The following DTX4 variants were observed in gnomAD, a reference collection of about 807,000 sequenced individuals.
DTX4 encodes E3 ubiquitin-protein ligase DTX4.
In DTX4, 28 loss-of-function variants were observed where a neutral mutation model predicts 57.6. The observed-to-expected ratio is 0.49, with a 90% CI of 0.36 to 0.67. The LOEUF (loss-of-function observed/expected upper bound fraction) is 0.67, where lower values mean the gene tolerates loss of function less well. Ranked by LOEUF, DTX4 falls within the 30% of genes least tolerant of loss-of-function variation. The pLI is 0.00. For missense variants in DTX4, 715 were observed against 836.8 expected, an observed-to-expected ratio of 0.85 and a Z score of 1.80; for synonymous variants, 316 against 331.0, an observed-to-expected ratio of 0.95 and a Z score of 0.49.
chr11:59,201,043 T>G (rs1363214683), intron 8 of DTX4, among the ~76,000 whole-genome samples: 1 of 152,228 alleles, frequency 6.6e-6, no homozygotes. Context: ...CTCACAATTC[T>G]GGAACCTGAG....
At chr11:59,184,813 C>G (rs1029566008) in intron 2 of DTX4, among the ~76,000 whole-genome samples, 3 of 152,166 alleles carry the variant, frequency 2.0e-5, no homozygotes, top group Non-Finnish European at 4.4e-5. Context: ...GAGGGAGGCC[C>G]CTGCCTACTC....
At chr11:59,182,948 T>A (rs1395501876) in intron 2 of DTX4, among the ~76,000 whole-genome samples, 2 of 152,214 alleles carry the variant, frequency 1.3e-5, no homozygotes, top group East Asian at 3.8e-4. Context: ...TTGTGCCTAC[T>A]AAGCAATAAT....
intron 7 of DTX4, among the ~76,000 whole-genome samples, chr11:59,197,121 G>C (rs908740555): frequency 6.6e-6 from 1 of 152,150 alleles, no homozygotes; most frequent in Non-Finnish European, 1.5e-5. Context: ...GGGAAATAAC[G>C]TTTGCCTATG....
rs528633006 is a variant in DTX4, at chr11:59,203,073, G to T, written c.1627-1603G>T. On this transcript the variant is annotated intron_variant, in intron 8 of 8. Coordinates refer to ENST00000227451, the MANE Select transcript of DTX4 (RefSeq NM_015177.2). Reference sequence around the variant, plus strand: ...CTGTATAAGGCACTTACCACGAATGGTACTTGCAGGACTGGAAGTAGTTTT... The same window carrying T: ...CTGTATAAGGCACTTACCACGAATGTTACTTGCAGGACTGGAAGTAGTTTT... Among the ~76,000 whole-genome samples, 4 of 152,316 alleles carry T rather than the reference G, an allele frequency of 2.6e-5. No homozygotes were observed. In the South Asian group the frequency reaches 8.3e-4, roughly 32 times the overall value.
chr11:59,191,359 C>G (rs536418396), intron 5 of DTX4, among the ~76,000 whole-genome samples, 184 bp downstream of exon 5: 2 of 152,204 alleles, frequency 1.3e-5, no homozygotes, highest in African/African-American at 4.8e-5. Flanking sequence ...GCACCTCAAT[C>G]TCTCCCGCCT....
chr11:59,172,338 A>G lies in DTX4; in HGVS notation c.-258A>G, dbSNP rs3110104. On this transcript the variant is annotated 5_prime_UTR_variant, in exon 1 of 9. Coordinates refer to ENST00000227451, the MANE Select transcript of DTX4 (RefSeq NM_015177.2). ...TTTGCATGAAGCGACTCGACCCCAC[A>G]GAGCAGCGGCAGCAGCAGCGGACCC... is the stretch of plus-strand genomic sequence containing the variant. Among the ~76,000 whole-genome samples the G allele has an allele frequency of 0.73, 110,915 of 151,546 alleles. 41,638 individuals carry two copies. The highest frequency in any genetic ancestry group is 0.9 in the African/African-American group (37,363 of 41,438).
At chr11:59,202,376 CT>C (rs1309296870) in intron 8 of DTX4, among the ~76,000 whole-genome samples, 2 of 152,168 alleles carry the variant, frequency 1.3e-5, no homozygotes, top group Admixed American at 6.5e-5. Flanking sequence ...GTTTCCTAAT[CT>C]GTAAAATAGT....
Position 59,195,348 on chromosome 11 carries a change from C to T in DTX4, c.1515C>T (p.Tyr505=), listed in dbSNP as rs1275381341. Reference sequence around the variant, plus strand: ...ACTGCAAAACCATCCGGATCATCTACAGCATCCCCCCCGGCATTCAGGTGA... The same window carrying T: ...ACTGCAAAACCATCCGGATCATCTATAGCATCCCCCCCGGCATTCAGGTGA... ...HPDCKTIRII[Y]SIPPGIQGPE... Residue 505 remains tyrosine (Y), a synonymous_variant, in exon 7 of 9, where the codon TAC becomes TAT. Transcript: ENST00000227451. 5 of 1,608,992 alleles carry T rather than the reference C, an allele frequency of 3.1e-6. No homozygotes were observed. The African/African-American group carries it at 6.7e-5, about 22-fold the overall frequency.
At chr11:59,174,859 C>T (rs1156533893) in intron 1 of DTX4, among the ~76,000 whole-genome samples, 2 of 152,166 alleles carry the variant, frequency 1.3e-5, no homozygotes, top group South Asian at 2.1e-4. Context: ...AAGGCTGCCT[C>T]AGGGTGTGTT....
intron 1 of DTX4, among the ~76,000 whole-genome samples, chr11:59,181,118 G>A (rs1325795223): frequency 3.3e-5 from 5 of 152,074 alleles, no homozygotes; most frequent in Non-Finnish European, 7.4e-5. Flanking sequence ...TGCAGGCAGA[G>A]TCTTCCCTCA....
intron 1 of DTX4, among the ~76,000 whole-genome samples, chr11:59,174,094 G>A (rs2135509460): frequency 1.3e-5 from 2 of 152,244 alleles, no homozygotes; most frequent in Admixed American, 1.3e-4. Flanking sequence ...CATGGGAAAG[G>A]GGTATCTTTC....
intron 8 of DTX4, among the ~76,000 whole-genome samples, chr11:59,203,022 C>G (rs1218465278): frequency 6.6e-6 from 1 of 152,102 alleles, no homozygotes; most frequent in Non-Finnish European, 1.5e-5. Context: ...AGTAAAAATA[C>G]AGTATAAAAG....
intron 8 of DTX4, 132 bp downstream of exon 8, chr11:59,199,905 T>G (rs1298665928): frequency 4.1e-6 from 3 of 736,168 alleles, no homozygotes; most frequent in Non-Finnish European, 4.4e-6. Flanking sequence ...TAAGTCTAGA[T>G]GCACACAGTA....
intron 7 of DTX4, among the ~76,000 whole-genome samples, chr11:59,196,012 A>G (rs1031427561): frequency 2.0e-5 from 3 of 152,350 alleles, no homozygotes; most frequent in East Asian, 1.9e-4. Context: ...TCTGAACACT[A>G]TTCCTGCCAG....
At chr11:59,199,394 C>T (rs1417807621) in intron 7 of DTX4, among the ~76,000 whole-genome samples, 1 of 152,166 alleles carries the variant, frequency 6.6e-6, no homozygotes, top group African/African-American at 2.4e-5. Context: ...ATAACAGCCC[C>T]ATAAGGGAAG....
chr11:59,204,633 C>A, intron 8 of DTX4, 43 bp from the exon 9 acceptor site: 1 of 1,547,678 alleles, frequency 6.5e-7, no homozygotes, highest in Non-Finnish European at 8.8e-7. Flanking sequence ...TCTTTGACTG[C>A]CAATTAATGT....
At position 59,172,740 on chromosome 11, in the gene DTX4, G is replaced by A; in HGVS notation, c.145G>A (p.Val49Met). Residue 49 changes from valine (V) to methionine (M), a missense_variant, in exon 1 of 9, where the codon GTG (valine) becomes ATG (methionine). Transcript: ENST00000227451. ...GGGGGGCAGCGTGGTGCTGGGCCAG[G>A]TGGACAGCCGTCTCGCGCCCTACAT... Reference protein sequence around the residue: ...RAGGSVVLGQVDSRLAPYIID... With the variant: ...RAGGSVVLGQMDSRLAPYIID... The A allele has an allele frequency of 3.1e-6, 5 of 1,604,314 alleles. No homozygotes were observed. The highest frequency in any genetic ancestry group is 4.2e-6 in the Non-Finnish European group (5 of 1,176,906).
At chr11:59,184,422 A>G (rs1444335064) in intron 2 of DTX4, among the ~76,000 whole-genome samples, 1 of 152,272 alleles carries the variant, frequency 6.6e-6, no homozygotes, top group African/African-American at 2.4e-5. Flanking sequence ...ATGACATACT[A>G]AGTGTATAGA....
chr11:59,171,563 T>C (rs1371915357), upstream of DTX4: 3 of 152,302 alleles, frequency 2.0e-5, no homozygotes, highest in Non-Finnish European at 4.4e-5. Context: ...GAGGTTGGAG[T>C]GGCCACTGGC....
Sources: allele counts gnomAD v4.1 joint callset (sites outside exome capture counted in the v4.1 genomes callset), GRCh38; gene constraint gnomAD v4.1.1; transcripts MANE v1.5; gene names NCBI Gene and HGNC (gene_info 2026-07-23, HGNC 2026-07-21).